The following PTPRT variants were observed in gnomAD, a reference collection of about 807,000 sequenced individuals.
PTPRT encodes the protein protein tyrosine phosphatase receptor type T, also known as receptor-type tyrosine-protein phosphatase T.
Under a neutral mutation model 176.8 loss-of-function variants are expected in PTPRT, and 56 were observed. That is an observed-to-expected ratio of 0.32 (90% confidence interval 0.26 to 0.40). The LOEUF (loss-of-function observed/expected upper bound fraction) is 0.40. PTPRT is among the 10% of genes least tolerant of loss of function. PTPRT has a pLI of 1.00. For missense variants in PTPRT, 1,540 were observed against 1,908.2 expected, an observed-to-expected ratio of 0.81 and a Z score of 3.60; for synonymous variants, 783 against 739.0, an observed-to-expected ratio of 1.06 and a Z score of -0.96.
chr20:42,187,664 G>T (rs1417439742), intron 16 of PTPRT, among the ~76,000 whole-genome samples: 2 of 152,290 alleles, frequency 1.3e-5, no homozygotes, highest in East Asian at 3.9e-4. Context: ...TGAATGTAGA[G>T]ATCCTATCAC....
At chr20:42,440,554 T>C (rs2059304593) in intron 9 of PTPRT, among the ~76,000 whole-genome samples, 1 of 151,602 alleles carries the variant, frequency 6.6e-6, no homozygotes, top group Non-Finnish European at 1.5e-5. Flanking sequence ...CTTGGCTCAC[T>C]GCAAGATCCG....
intron 1 of PTPRT, among the ~76,000 whole-genome samples, chr20:43,160,661 A>G (rs6103176): frequency 0.079 from 12,036 of 151,812 alleles, 591 homozygotes; most frequent in South Asian, 0.13. Flanking sequence ...TCAGCCTTGA[A>G]AGAATATTTT....
intron 7 of PTPRT, among the ~76,000 whole-genome samples, chr20:42,526,760 G>T (rs989117721): frequency 1.3e-5 from 2 of 151,898 alleles, no homozygotes; most frequent in Non-Finnish European, 2.9e-5. Context: ...TCAGCTATTT[G>T]TAGAAGGTTT....
At chr20:42,724,169 C>G (rs954263418) in intron 6 of PTPRT, among the ~76,000 whole-genome samples, 6 of 152,212 alleles carry the variant, frequency 3.9e-5, no homozygotes, top group Non-Finnish European at 8.8e-5. Flanking sequence ...CTTCAGAAAG[C>G]TCACTTTTTA....
rs1355964823 is a variant in PTPRT at position 43,000,075 on chromosome 20, G to GAGGA, written c.89-114144_89-114143insTCCT. On this transcript the variant is annotated intron_variant, in intron 1 of 30. Coordinates refer to ENST00000373187, the MANE Select transcript of PTPRT (RefSeq NM_007050.6). The stretch of plus-strand genomic sequence containing the variant: ...GGAAGAAGGGAAGGAGGGAGGGAGG[G>GAGGA]AGGGAGGGAGGGAGGGAGGGAGGGA... 8.3e-4 allele frequency among the ~76,000 whole-genome samples: 111 copies of GAGGA among 134,182 alleles called. 1 individual carries two copies. The Middle Eastern group carries it at 0.015, about 18-fold the overall frequency. 88.0% of individuals were successfully genotyped at this position (134,182 alleles called of 152,430 possible). A position where few individuals can be genotyped will look rare whatever the true frequency, so the allele number is the denominator to read the frequency against.
At chr20:42,563,587 A>G (rs2072989175) in intron 7 of PTPRT, among the ~76,000 whole-genome samples, 1 of 152,208 alleles carries the variant, frequency 6.6e-6, no homozygotes, top group Non-Finnish European at 1.5e-5. Context: ...TTAAAACCTG[A>G]AACAACCCAA....
intron 2 of PTPRT, among the ~76,000 whole-genome samples, chr20:42,816,725 G>T (rs1380265051): frequency 1.3e-5 from 2 of 152,188 alleles, no homozygotes; most frequent in African/African-American, 4.8e-5. Flanking sequence ...TAAGTTTCCT[G>T]AGGCCTCCAA....
chr20:42,814,286 T>C (rs1280756025), intron 2 of PTPRT, among the ~76,000 whole-genome samples: 1 of 152,184 alleles, frequency 6.6e-6, no homozygotes, highest in Non-Finnish European at 1.5e-5. Context: ...TCTTGTTTGC[T>C]CAATCTATTA....
intron 1 of PTPRT, among the ~76,000 whole-genome samples, chr20:42,927,236 G>A (rs1979546869): frequency 6.6e-6 from 1 of 152,226 alleles, no homozygotes; most frequent in African/African-American, 2.4e-5. Flanking sequence ...CAAAAGGCAA[G>A]ACCTGCTTAA....
chr20:42,066,262 G>A, the PTPRT span, among the ~76,000 whole-genome samples: 8 of 151,804 alleles, frequency 5.3e-5, no homozygotes, highest in African/African-American at 1.9e-4. Context: ...GGCTGGTCTC[G>A]AACTCCTGAC....
intron 1 of PTPRT, among the ~76,000 whole-genome samples, chr20:43,093,139 C>T (rs2011955731): frequency 1.3e-5 from 2 of 152,176 alleles, no homozygotes; most frequent in Admixed American, 1.3e-4. Flanking sequence ...TACACAAAAA[C>T]AAACATTAAA....
chr20:42,601,206 C>T (rs2073775571), intron 7 of PTPRT, among the ~76,000 whole-genome samples: 1 of 152,100 alleles, frequency 6.6e-6, no homozygotes, highest in Admixed American at 6.6e-5. Flanking sequence ...TGCAAAAGAC[C>T]CCCTTTCAGA....
chr20:42,265,547 C>G (rs184685921), intron 13 of PTPRT, among the ~76,000 whole-genome samples: 1 of 152,174 alleles, frequency 6.6e-6, no homozygotes, highest in Non-Finnish European at 1.5e-5. Context: ...CCCAGAGCTG[C>G]CCCCTCTCTC....
chr20:42,807,630 AC>A (rs1244825273), intron 2 of PTPRT, among the ~76,000 whole-genome samples: 5 of 152,154 alleles, frequency 3.3e-5, no homozygotes, highest in African/African-American at 9.7e-5. Flanking sequence ...AAATTGATAT[AC>A]TACGACCCAG....
intron 7 of PTPRT, among the ~76,000 whole-genome samples, chr20:42,601,866 C>T (rs373405874): frequency 6.6e-6 from 1 of 152,128 alleles, no homozygotes; most frequent in East Asian, 1.9e-4. Context: ...TTGTCTCTAG[C>T]TATCAATTTC....
chr20:42,347,051 C>T (rs2058204970), intron 11 of PTPRT, among the ~76,000 whole-genome samples: 1 of 152,154 alleles, frequency 6.6e-6, no homozygotes, highest in Non-Finnish European at 1.5e-5. Flanking sequence ...GAACTCAGAG[C>T]CAGGATACTA....
At chr20:43,169,220 A>ATT (rs1324752911) in intron 1 of PTPRT, among the ~76,000 whole-genome samples, 1 of 152,294 alleles carries the variant, frequency 6.6e-6, no homozygotes, top group East Asian at 1.9e-4. Context: ...ATACTCTAAA[A>ATT]AGAGTCACTG....
chr20:43,174,248 C>T (rs1023927193), intron 1 of PTPRT, among the ~76,000 whole-genome samples: 1 of 152,212 alleles, frequency 6.6e-6, no homozygotes, highest in Non-Finnish European at 1.5e-5. Flanking sequence ...AGTTCCCACA[C>T]TGACTAGCTG....
At chr20:42,359,907 T>C (rs1473173650) in intron 9 of PTPRT, among the ~76,000 whole-genome samples, 1 of 152,244 alleles carries the variant, frequency 6.6e-6, no homozygotes, top group Non-Finnish European at 1.5e-5. Context: ...GTGCGGACTT[T>C]CTTGGTTACC....
Sources: allele counts gnomAD v4.1 joint callset (sites outside exome capture counted in the v4.1 genomes callset), GRCh38; gene constraint gnomAD v4.1.1; transcripts MANE v1.5; gene names NCBI Gene and HGNC (gene_info 2026-07-23, HGNC 2026-07-21).